MTA3: variants seen among roughly 807,000 people sequenced by gnomAD.
MTA3 encodes metastasis associated 1 family member 3, also known as metastasis-associated protein MTA3.
In MTA3, 34 loss-of-function variants were observed where a neutral mutation model predicts 83.5. The observed-to-expected ratio is 0.41, with a 90% CI of 0.31 to 0.54. The LOEUF (loss-of-function observed/expected upper bound fraction) is 0.54. Ranked by LOEUF, MTA3 falls within the 20% of genes least tolerant of loss-of-function variation. MTA3 has a pLI of 0.33. For synonymous variants in MTA3, 303 were observed against 252.7 expected, an observed-to-expected ratio of 1.20 and a Z score of -1.89; for missense variants, 761 against 726.4, an observed-to-expected ratio of 1.05 and a Z score of -0.55.
chr2:42,497,945 A>G (rs546512669), intron 2 of MTA3, among the ~76,000 whole-genome samples: 1 of 152,320 alleles, frequency 6.6e-6, no homozygotes, highest in African/African-American at 2.4e-5. Flanking sequence ...GTAACCTGAA[A>G]CAAAAAATTC....
intron 7 of MTA3, among the ~76,000 whole-genome samples, chr2:42,659,320 G>A (rs1169689779): frequency 6.6e-6 from 1 of 152,084 alleles, no homozygotes; most frequent in African/African-American, 2.4e-5. Flanking sequence ...CACAGGAAGG[G>A]GTTGCTACAG....
At chr2:42,627,387 A>G (rs1261344992) in intron 4 of MTA3, among the ~76,000 whole-genome samples, 2 of 151,860 alleles carry the variant, frequency 1.3e-5, no homozygotes, top group African/African-American at 4.8e-5. Flanking sequence ...TTCTTGTCCT[A>G]ATTATATTAG....
intron 5 of MTA3, among the ~76,000 whole-genome samples, chr2:42,642,383 T>TG (rs1284346266): frequency 6.6e-6 from 1 of 152,030 alleles, no homozygotes; most frequent in Non-Finnish European, 1.5e-5. Context: ...TGGCTTCATG[T>TG]GGGGGCTCAT....
intron 4 of MTA3, among the ~76,000 whole-genome samples, chr2:42,633,605 T>C (rs1173235974): frequency 2.0e-5 from 3 of 148,500 alleles, no homozygotes; most frequent in Non-Finnish European, 4.5e-5. Flanking sequence ...AAAAATCATA[T>C]TCTTGGCTGG....
At chr2:42,573,982 CTATTTATT>C (rs112041996) in intron 2 of MTA3, among the ~76,000 whole-genome samples, 38 of 150,920 alleles carry the variant, frequency 2.5e-4, no homozygotes, top group Middle Eastern at 6.8e-3. Context: ...CTACGCCTGG[CTATTTATT>C]TATTTATTTA....
At chr2:42,709,404 T>C (rs960917122) in intron 14 of MTA3, 23 of 825,900 alleles carry the variant, frequency 2.8e-5, no homozygotes, top group South Asian at 6.4e-5. Flanking sequence ...AGAGCCCTTA[T>C]TGAAGCACTT....
chr2:42,710,498 C>G (rs1230539629), intron 14 of MTA3, among the ~76,000 whole-genome samples: 1 of 137,856 alleles, frequency 7.3e-6, no homozygotes, highest in Non-Finnish European at 1.5e-5. Flanking sequence ...TTGCAGTGAG[C>G]TGAGATTGCG....
chr2:42,690,860 A>T (rs572339291), intron 9 of MTA3, among the ~76,000 whole-genome samples: 1 of 53,060 alleles, frequency 1.9e-5, no homozygotes, highest in East Asian at 3.5e-4. Context: ...TTTTTATTTT[A>T]TTTATTTATT....
At chr2:42,586,279 GAAAA>G (rs571930742) in intron 3 of MTA3, among the ~76,000 whole-genome samples, 1 of 104,726 alleles carries the variant, frequency 9.5e-6, no homozygotes, top group Non-Finnish European at 2.0e-5. Flanking sequence ...CATCTCAAAA[GAAAA>G]AAAAAAAAAA....
chr2:42,574,723 G>A lies in MTA3; in HGVS notation c.96+4219G>A, dbSNP rs74711781. Reference sequence around the variant, plus strand: ...TTACAGGCGTGAACCACTGCACCCCGCCTAATGTTTAAATTTTTTGTAGAC... The same window carrying A: ...TTACAGGCGTGAACCACTGCACCCCACCTAATGTTTAAATTTTTTGTAGAC... On this transcript the variant is annotated intron_variant, in intron 2 of 16. Transcript: ENST00000405094. Among the ~76,000 whole-genome samples the A allele has an allele frequency of 3.9e-4, 59 of 152,158 alleles. 1 individual carries two copies. In the East Asian group the frequency reaches 9.3e-3, roughly 24 times the overall value.
At chr2:42,659,917 T>A (rs1458135052) in intron 8 of MTA3, 55 bp downstream of exon 8, 1 of 1,391,974 alleles carries the variant, frequency 7.2e-7, no homozygotes, top group Non-Finnish European at 9.8e-7. Context: ...CTTGTTTAAT[T>A]TTAAAGCCAT....
chr2:42,644,918 A>G (rs990474963), intron 6 of MTA3, among the ~76,000 whole-genome samples: 1 of 152,140 alleles, frequency 6.6e-6, no homozygotes, highest in African/African-American at 2.4e-5. Context: ...AGACACAACA[A>G]TATTGAACTT....
At chr2:42,720,800 T>C (rs1667347306) in intron 15 of MTA3, among the ~76,000 whole-genome samples, 2 of 151,572 alleles carry the variant, frequency 1.3e-5, no homozygotes, top group African/African-American at 4.8e-5. Context: ...ATACAAATAT[T>C]AGGCAGGTGT....
At chr2:42,735,304 A>G (rs2104570828) in intron 16 of MTA3, among the ~76,000 whole-genome samples, 1 of 152,288 alleles carries the variant, frequency 6.6e-6, no homozygotes, top group South Asian at 2.1e-4. Context: ...TCTGGCCTGT[A>G]AGGTTTCCAC....
intron 4 of MTA3, among the ~76,000 whole-genome samples, chr2:42,628,553 T>C (rs1193452013): frequency 6.6e-6 from 1 of 152,156 alleles, no homozygotes; most frequent in African/African-American, 2.4e-5. Context: ...TTAAAAGGCA[T>C]CTCAGAAAAG....
intron 2 of MTA3, among the ~76,000 whole-genome samples, chr2:42,499,931 A>T (rs1253574686): frequency 1.3e-5 from 2 of 151,868 alleles, no homozygotes; most frequent in African/African-American, 2.4e-5. Context: ...TTGTATGTTA[A>T]TCATACCTCA....
intron 9 of MTA3, 30 bp downstream of exon 9, chr2:42,682,619 T>C: frequency 1.3e-6 from 2 of 1,559,500 alleles, no homozygotes; most frequent in Non-Finnish European, 1.7e-6. Context: ...TAAAATAAAA[T>C]GTTGAGATGG....
At chr2:42,494,267 C>A (rs1451283672), upstream of MTA3, among the ~76,000 whole-genome samples, 1 of 152,084 alleles carries the variant, frequency 6.6e-6, no homozygotes, top group African/African-American at 2.4e-5. Context: ...GAGCCCAGCG[C>A]CGGGATGCCT....
intron 5 of MTA3, among the ~76,000 whole-genome samples, chr2:42,641,162 C>T (rs1441176088): frequency 2.0e-5 from 3 of 150,772 alleles, no homozygotes; most frequent in Admixed American, 6.6e-5. Flanking sequence ...CTTCCTCAGC[C>T]TCCCAAAGTG....
Sources: gnomAD v4.1 joint callset for allele counts (sites outside exome capture counted in the v4.1 genomes callset) on GRCh38, gnomAD v4.1.1 for gene constraint, MANE v1.5 for transcripts, NCBI Gene and HGNC (gene_info 2026-07-23, HGNC 2026-07-21) for gene names.